The following USP37 variants were observed in gnomAD, a reference collection of about 807,000 sequenced individuals.
The protein encoded by USP37 is ubiquitin specific peptidase 37.
Under a neutral mutation model 124.0 loss-of-function variants are expected in USP37, and 27 were observed. The ratio of observed to expected loss-of-function variants is 0.22; its 90% CI spans 0.16 to 0.30. The LOEUF is 0.30. Ranked by LOEUF, USP37 falls within the 10% of genes least tolerant of loss-of-function variation. The pLI is 1.00. For synonymous variants in USP37, 365 were observed against 388.0 expected (o/e 0.94, Z 0.70); for missense variants, 889 against 1,140.4 (o/e 0.78, Z 3.17).
intron 10 of USP37, among the ~76,000 whole-genome samples, chr2:218,525,764 G>T (rs1690922151): frequency 6.6e-6 from 1 of 152,052 alleles, no homozygotes; most frequent in Admixed American, 6.6e-5. Flanking sequence ...GTGGCATGGG[G>T]GTTTGTTATA....
chr2:218,508,988 A>T (rs1689834460), intron 11 of USP37, among the ~76,000 whole-genome samples: 1 of 152,230 alleles, frequency 6.6e-6, no homozygotes, highest in South Asian at 2.1e-4. Context: ...AAAAATTTCA[A>T]ACTGTCTTCC....
intron 10 of USP37, among the ~76,000 whole-genome samples, chr2:218,518,757 A>C (rs1240388289): frequency 6.6e-6 from 1 of 152,226 alleles, no homozygotes; most frequent in Admixed American, 6.5e-5. Flanking sequence ...TTTTTCCAAA[A>C]AGTGCTGCTA....
intron 24 of USP37, 92 bp from the exon 25 acceptor site, chr2:218,455,810 G>A: frequency 7.5e-7 from 1 of 1,337,394 alleles, no homozygotes; most frequent in Non-Finnish European, 1.0e-6. Context: ...CACTTTGGGA[G>A]GCTGAGGCAG....
At chr2:218,559,436 G>T (rs964670682) in intron 3 of USP37, among the ~76,000 whole-genome samples, 4 of 152,092 alleles carry the variant, frequency 2.6e-5, no homozygotes, top group Non-Finnish European at 5.9e-5. Flanking sequence ...AAGCATATCC[G>T]TATGTACAGA....
At chr2:218,505,056 T>C (rs1355134599) in intron 11 of USP37, among the ~76,000 whole-genome samples, 1 of 152,184 alleles carries the variant, frequency 6.6e-6, no homozygotes, top group Admixed American at 6.5e-5. Flanking sequence ...ATTTTGTCAC[T>C]CAAACTAGAG....
chr2:218,458,253 T>TAAAAA (rs33911503), intron 23 of USP37, among the ~76,000 whole-genome samples: 139 of 70,844 alleles, frequency 2.0e-3, no homozygotes, highest in East Asian at 2.6e-3. Context: ...AGACCTTGCC[T>TAAAAA]AAAAAAAAAA....
chr2:218,551,811 G>A (rs1230650816), intron 5 of USP37, among the ~76,000 whole-genome samples: 2 of 137,608 alleles, frequency 1.5e-5, no homozygotes, highest in Non-Finnish European at 3.1e-5. Flanking sequence ...TTTTTTTTTT[G>A]AGATGGAGTC....
At chr2:218,521,850 C>T (rs1025220277) in intron 10 of USP37, among the ~76,000 whole-genome samples, 7 of 152,062 alleles carry the variant, frequency 4.6e-5, no homozygotes, top group African/African-American at 1.7e-4. Context: ...TAATGCATCC[C>T]CTGTAATAAT....
intron 8 of USP37, among the ~76,000 whole-genome samples, chr2:218,538,357 G>A (rs1691774445): frequency 6.6e-6 from 1 of 152,152 alleles, no homozygotes; most frequent in Non-Finnish European, 1.5e-5. Context: ...GGCTTGGAAC[G>A]AGCAAGCCTG....
chr2:218,477,000 A>T lies in USP37; in HGVS notation c.1902-19T>A. 6.7e-7 allele frequency: 1 copy of T among 1,499,386 alleles called. No individual in the cohort carries two copies. Among genetic ancestry groups the T allele is most frequent in the Non-Finnish European group, 8.9e-7 (1 of 1,124,936 alleles). 92.9% of individuals were successfully genotyped at this position (1,499,386 alleles called of 1,614,324 possible). ...GAATTTCCTGTAATTTAAGGAAAAA[A>T]AAAAAAGCCTGATAAACATTTGTCT... is the stretch of plus-strand genomic sequence containing the variant. On this transcript the variant is annotated intron_variant, in intron 18 of 25. Coordinates refer to ENST00000258399, the MANE Select transcript of USP37 (RefSeq NM_020935.3).
intron 8 of USP37, among the ~76,000 whole-genome samples, chr2:218,535,662 C>T (rs1184162851): frequency 6.6e-6 from 1 of 151,976 alleles, no homozygotes; most frequent in Non-Finnish European, 1.5e-5. Flanking sequence ...CAAGACCATC[C>T]TGGTTAACAC....
chr2:218,455,552 T>C, intron 25 of USP37, 28 bp downstream of exon 25: 3 of 1,569,188 alleles, frequency 1.9e-6, no homozygotes, highest in Non-Finnish European at 2.6e-6. Context: ...TTCTAACTCA[T>C]TATTTAGAAT....
At chr2:218,504,617 TAGAC>T (rs1232429011) in intron 11 of USP37, among the ~76,000 whole-genome samples, 1 of 152,166 alleles carries the variant, frequency 6.6e-6, no homozygotes, top group Non-Finnish European at 1.5e-5. Flanking sequence ...TTATTATTTG[TAGAC>T]AGAGGGTCTT....
chr2:218,515,409 T>A (rs1211549100), intron 10 of USP37, among the ~76,000 whole-genome samples: 1 of 152,184 alleles, frequency 6.6e-6, no homozygotes, highest in Non-Finnish European at 1.5e-5. Flanking sequence ...TACAGCCATC[T>A]GATCTTTGAC....
intron 10 of USP37, chr2:218,514,208 G>T (rs1309114824): frequency 6.6e-6 from 1 of 152,072 alleles, no homozygotes; most frequent in East Asian, 1.9e-4. Context: ...ATAGTACAAT[G>T]ACCAAAACCA....
intron 20 of USP37, among the ~76,000 whole-genome samples, chr2:218,471,671 C>T (rs1690699247): frequency 1.3e-5 from 2 of 152,054 alleles, no homozygotes; most frequent in African/African-American, 4.8e-5. Context: ...ATTGCTCAGG[C>T]CAAAAAACAT....
chr2:218,547,171 G>A, intron 6 of USP37, 80 bp from the exon 7 acceptor site: 1 of 1,458,836 alleles, frequency 6.9e-7, no homozygotes, highest in South Asian at 1.4e-5. Context: ...CAATGGAAAG[G>A]TTTAAAAAAT....
chr2:218,520,887 C>T (rs1690573118), intron 10 of USP37, among the ~76,000 whole-genome samples: 1 of 152,194 alleles, frequency 6.6e-6, no homozygotes, highest in Non-Finnish European at 1.5e-5. Context: ...GCCCAAATCT[C>T]ATGTAAAATC....
chr2:218,540,528 A>G (rs1691917166), intron 8 of USP37, among the ~76,000 whole-genome samples: 2 of 152,160 alleles, frequency 1.3e-5, no homozygotes, highest in Admixed American at 1.3e-4. Flanking sequence ...ACATGCCTGT[A>G]GTTCTATTTG....
Sources: allele counts gnomAD v4.1 joint callset (sites outside exome capture counted in the v4.1 genomes callset), GRCh38; gene constraint gnomAD v4.1.1; transcripts MANE v1.5; gene names NCBI Gene and HGNC (gene_info 2026-07-23, HGNC 2026-07-21).